Variants in LOC128125817 observed in about 807,000 individuals in gnomAD.
the LOC128125817 span, among the ~76,000 whole-genome samples, chr1:41,618,247 A>C: frequency 5.1e-3 from 777 of 152,314 alleles, 3 homozygotes; most frequent in African/African-American, 0.018. Flanking sequence ...TGCCACACAG[A>C]AGAGTCTCCT....
chr1:41,613,113 G>T, the LOC128125817 span, among the ~76,000 whole-genome samples: 1 of 152,214 alleles, frequency 6.6e-6, no homozygotes, highest in African/African-American at 2.4e-5. Context: ...AGCCGCTAGG[G>T]GCTCACTGCC....
chr1:41,619,735 G>A, the LOC128125817 span, among the ~76,000 whole-genome samples: 1 of 152,170 alleles, frequency 6.6e-6, no homozygotes, highest in Non-Finnish European at 1.5e-5. Flanking sequence ...GGTCAGCTGG[G>A]AGGCTGTCCG....
At chr1:41,625,956 T>C in the LOC128125817 span, among the ~76,000 whole-genome samples, 1 of 152,266 alleles carries the variant, frequency 6.6e-6, no homozygotes, top group African/African-American at 2.4e-5. Flanking sequence ...TCTAAGACTA[T>C]AAAAGTTTGA....
At chr1:41,594,389 A>G in the LOC128125817 span, among the ~76,000 whole-genome samples, 2 of 151,650 alleles carry the variant, frequency 1.3e-5, no homozygotes, top group African/African-American at 4.9e-5. Flanking sequence ...CACCCAGATA[A>G]TTTTCGTATT....
At chr1:41,624,599 A>G in the LOC128125817 span, among the ~76,000 whole-genome samples, 1 of 152,218 alleles carries the variant, frequency 6.6e-6, no homozygotes, top group South Asian at 2.1e-4. Flanking sequence ...AAAACCATAC[A>G]AGCAAGTACA....
At chr1:41,590,188 A>G in the LOC128125817 span, among the ~76,000 whole-genome samples, 51 of 152,218 alleles carry the variant, frequency 3.4e-4, 1 homozygote, top group South Asian at 2.1e-4. Context: ...ACTAACAGGG[A>G]TTGGTAGTCA....
the LOC128125817 span, among the ~76,000 whole-genome samples, chr1:41,606,269 C>G: frequency 6.6e-6 from 1 of 151,932 alleles, no homozygotes; most frequent in Non-Finnish European, 1.5e-5. Context: ...ATTTTCTGAT[C>G]TATCAACTTT....
chr1:41,628,023 C>A, the LOC128125817 span, among the ~76,000 whole-genome samples: 2 of 152,186 alleles, frequency 1.3e-5, no homozygotes, highest in Non-Finnish European at 2.9e-5. Flanking sequence ...TCTAACACTG[C>A]ACACCTAACC....
At chr1:41,628,768 T>A in the LOC128125817 span, 3 of 1,232,160 alleles carry the variant, frequency 2.4e-6, no homozygotes, top group East Asian at 6.3e-5. Flanking sequence ...AGGCACCACT[T>A]CCGATGACCA....
At chr1:41,585,612 T>G in the LOC128125817 span, among the ~76,000 whole-genome samples, 3 of 152,216 alleles carry the variant, frequency 2.0e-5, no homozygotes, top group Admixed American at 6.5e-5. Context: ...AAGTGGGCTC[T>G]GGGAACTGCA....
chr1:41,620,802 C>T, the LOC128125817 span, among the ~76,000 whole-genome samples: 1 of 152,240 alleles, frequency 6.6e-6, no homozygotes, highest in African/African-American at 2.4e-5. Flanking sequence ...CCCTCCACTC[C>T]TACCCTTTCC....
At chr1:41,597,775 C>CT in the LOC128125817 span, among the ~76,000 whole-genome samples, 1 of 152,138 alleles carries the variant, frequency 6.6e-6, no homozygotes, top group African/African-American at 2.4e-5. Context: ...GCTTGTTAAC[C>CT]TTTTTTTACC....
the LOC128125817 span, among the ~76,000 whole-genome samples, chr1:41,592,737 C>T: frequency 6.6e-6 from 1 of 152,214 alleles, no homozygotes; most frequent in Non-Finnish European, 1.5e-5. Context: ...TTGGTGGAAG[C>T]CCTGCCTTTT....
the LOC128125817 span, among the ~76,000 whole-genome samples, chr1:41,628,548 T>C: frequency 8.5e-5 from 13 of 152,300 alleles, no homozygotes; most frequent in East Asian, 2.5e-3. Context: ...CAGTAGCCAG[T>C]TGCTGGCACT....
chr1:41,628,721 A>G, the LOC128125817 span: 34 of 1,228,550 alleles, frequency 2.8e-5, no homozygotes, highest in African/African-American at 5.1e-4. Flanking sequence ...CCTGGCAAGC[A>G]TATTCAGCAA....
the LOC128125817 span, among the ~76,000 whole-genome samples, chr1:41,590,374 C>T: frequency 1.3e-5 from 2 of 152,228 alleles, no homozygotes; most frequent in African/African-American, 4.8e-5. Context: ...GGCTGCCTTT[C>T]CCAGCCTCTC....
the LOC128125817 span, among the ~76,000 whole-genome samples, chr1:41,616,346 G>T: frequency 1.3e-5 from 2 of 152,150 alleles, no homozygotes; most frequent in African/African-American, 2.4e-5. Flanking sequence ...CTGCACAAAG[G>T]ACGTGTCTTG....
At chr1:41,616,834 T>C in the LOC128125817 span, among the ~76,000 whole-genome samples, 1,309 of 152,320 alleles carry the variant, frequency 8.6e-3, 21 homozygotes, top group African/African-American at 0.03. Context: ...CTTTCTAGGC[T>C]ACAGGCCAAT....
the LOC128125817 span, among the ~76,000 whole-genome samples, chr1:41,605,701 A>G: frequency 6.6e-6 from 1 of 152,068 alleles, no homozygotes; most frequent in South Asian, 2.1e-4. Context: ...AAGGATGAAC[A>G]GGATCTCACC....
Sources: gnomAD v4.1 joint callset for allele counts (sites outside exome capture counted in the v4.1 genomes callset) on GRCh38, gnomAD v4.1.1 for gene constraint, MANE v1.5 for transcripts.